Variants in LHFPL3 observed in about 807,000 individuals in gnomAD.
LHFPL3 encodes the protein LHFPL tetraspan subfamily member 3 protein.
A neutral mutation model predicts 19.3 loss-of-function variants in LHFPL3; 5 were observed. The ratio of observed to expected loss-of-function variants is 0.26; its 90% CI spans 0.14 to 0.54. LHFPL3 has a LOEUF of 0.54. Among genes scored for constraint, LHFPL3 ranks in the 20% least tolerant of loss-of-function variants. The pLI, the probability that LHFPL3 is intolerant of heterozygous loss-of-function variation, is 0.94. For missense variants in LHFPL3, 249 were observed against 307.4 expected, an observed-to-expected ratio of 0.81 and a Z score of 1.42; for synonymous variants, 133 against 126.2, an observed-to-expected ratio of 1.05 and a Z score of -0.36.
intron 2 of LHFPL3, among the ~76,000 whole-genome samples, chr7:104,829,745 G>A (rs1790910924): frequency 6.6e-6 from 1 of 151,958 alleles, no homozygotes; most frequent in African/African-American, 2.4e-5. Flanking sequence ...GGACATTTGG[G>A]TTGGTTCCAA....
chr7:104,778,242 C>A (rs1794663075), intron 2 of LHFPL3, among the ~76,000 whole-genome samples: 1 of 152,178 alleles, frequency 6.6e-6, no homozygotes, highest in Admixed American at 6.5e-5. Flanking sequence ...TGGTCCCTAA[C>A]CTCCTTGAGT....
rs577703887 is a variant in LHFPL3, at chr7:104,782,801, G to A, written c.682+45890G>A. Among the ~76,000 whole-genome samples, 430 of 152,224 alleles carry A rather than the reference G, an allele frequency of 2.8e-3. 4 individuals are homozygous for A. The highest frequency in any genetic ancestry group is 9.5e-3 in the African/African-American group (394 of 41,536). On this transcript the variant is annotated intron_variant, in intron 2 of 2. Coordinates refer to ENST00000424859, the MANE Select transcript of LHFPL3 (RefSeq NM_199000.3). ...ACCTCTCACCACATCTTTCTTATAC[G>A]CTACACTCTACAATATTGATGTCCA... is the stretch of plus-strand genomic sequence containing the variant.
intron 1 of LHFPL3, among the ~76,000 whole-genome samples, chr7:104,563,330 C>T (rs1277706046): frequency 2.3e-4 from 35 of 151,046 alleles, no homozygotes; most frequent in South Asian, 1.0e-3. Flanking sequence ...TAGCAATCAG[C>T]GAGACTCCGT....
At chr7:104,435,901 C>T (rs1792094601) in intron 1 of LHFPL3, among the ~76,000 whole-genome samples, 1 of 151,970 alleles carries the variant, frequency 6.6e-6, no homozygotes, top group Non-Finnish European at 1.5e-5. Context: ...AGGCCATTTT[C>T]AGGATTCTAG....
At chr7:104,794,615 G>T (rs968361002) in intron 2 of LHFPL3, among the ~76,000 whole-genome samples, 2 of 152,164 alleles carry the variant, frequency 1.3e-5, no homozygotes, top group African/African-American at 2.4e-5. Context: ...GGAAATTATG[G>T]TTCCATTAAA....
chr7:104,443,538 A>G (rs1259917854), intron 1 of LHFPL3, among the ~76,000 whole-genome samples: 1 of 152,246 alleles, frequency 6.6e-6, no homozygotes, highest in African/African-American at 2.4e-5. Context: ...CATGCCAACC[A>G]GGAGAATAGT....
intron 2 of LHFPL3, among the ~76,000 whole-genome samples, chr7:104,756,402 T>C (rs536172762): frequency 6.6e-6 from 1 of 152,316 alleles, no homozygotes; most frequent in African/African-American, 2.4e-5. Context: ...ATATCCAGTC[T>C]CTTTTTAGAC....
chr7:104,363,058 G>A (rs1042294555), intron 1 of LHFPL3, among the ~76,000 whole-genome samples: 2 of 152,250 alleles, frequency 1.3e-5, no homozygotes, highest in African/African-American at 4.8e-5. Flanking sequence ...CTCCTGAGCT[G>A]TAATTTGTAA....
chr7:104,467,678 C>T (rs556748026), intron 1 of LHFPL3, among the ~76,000 whole-genome samples: 3 of 152,272 alleles, frequency 2.0e-5, no homozygotes, highest in African/African-American at 7.2e-5. Context: ...TTAATTTCTC[C>T]TCATCCAATG....
At chr7:104,334,422 C>T (rs1283975393) in intron 1 of LHFPL3, among the ~76,000 whole-genome samples, 2 of 152,176 alleles carry the variant, frequency 1.3e-5, no homozygotes, top group Admixed American at 6.5e-5. Context: ...TGGCGTACAC[C>T]TGTAATCCCA....
In LHFPL3 at chr7:104,328,955, A is replaced by G. The variant is rs768551631; in HGVS notation, c.176A>G (p.Tyr59Cys). 4 of 1,614,100 alleles carry G rather than the reference A, an allele frequency of 2.5e-6. No homozygotes were observed. The highest frequency in any genetic ancestry group is 3.4e-6 in the Non-Finnish European group (4 of 1,180,000). Residue 59 changes from tyrosine (Y) to cysteine (C), a missense_variant, in exon 1 of 3, where the codon TAC (tyrosine) becomes TGC (cysteine). Physicochemically the swap from Tyr to Cys is radical, Grantham distance 194. Transcript: ENST00000424859. This position sits in a 1 kb window ranked among gnomAD's most constrained non-coding sequence, Gnocchi z 4.6. ...IVNVVCFIQPYWIGDGVDTPQ... is the reference protein window; with the variant it reads ...IVNVVCFIQPCWIGDGVDTPQ... ...AACGTGGTGTGCTTCATCCAGCCCT[A>G]CTGGATAGGCGACGGCGTGGACACC...
rs76242846 is a variant in LHFPL3, at chr7:104,705,705, T to C, written c.446-30970T>C. Among the ~76,000 whole-genome samples, 701 of 152,246 alleles carry C rather than the reference T, an allele frequency of 4.6e-3. 33 individuals carry two copies. The East Asian group carries it at 0.1, about 22-fold the overall frequency. On this transcript the variant is annotated intron_variant, in intron 1 of 2. Coordinates refer to ENST00000424859, the MANE Select transcript of LHFPL3 (RefSeq NM_199000.3). ...CAGGCCATGAGGTTGAGCATGAAAA[T>C]TTCTGCTTGTGTCAACTGATAAGGA...
intron 2 of LHFPL3, among the ~76,000 whole-genome samples, chr7:104,761,467 A>C (rs907996650): frequency 6.6e-6 from 1 of 152,152 alleles, no homozygotes; most frequent in Non-Finnish European, 1.5e-5. Flanking sequence ...TAAGTCACCA[A>C]AAATACCTGC....
intron 1 of LHFPL3, among the ~76,000 whole-genome samples, chr7:104,620,976 A>G (rs776717303): frequency 3.5e-4 from 54 of 152,148 alleles, no homozygotes; most frequent in Non-Finnish European, 6.3e-4. Context: ...TACCCTCTCT[A>G]GGAAAATCAC....
chr7:104,459,676 C>T (rs1792619841), intron 1 of LHFPL3, among the ~76,000 whole-genome samples: 1 of 152,200 alleles, frequency 6.6e-6, no homozygotes, highest in South Asian at 2.1e-4. Context: ...TCGTAACAGG[C>T]ACTGGAGAGG....
At chr7:104,563,928 C>G (rs927990987) in intron 1 of LHFPL3, among the ~76,000 whole-genome samples, 2 of 152,128 alleles carry the variant, frequency 1.3e-5, no homozygotes, top group Non-Finnish European at 2.9e-5. Flanking sequence ...TAATATTAAG[C>G]AAATGGAGTT....
chr7:104,623,112 T>G lies in LHFPL3; in HGVS notation c.446-113563T>G, dbSNP rs144880868. Reference sequence around the variant, plus strand: ...TGCCTATTCAAGTCATTTGCCTATTTTTAAATTGTGTTATTTGATTTTTAT... The same window carrying G: ...TGCCTATTCAAGTCATTTGCCTATTGTTAAATTGTGTTATTTGATTTTTAT... On this transcript the variant is annotated intron_variant, in intron 1 of 2. Coordinates refer to ENST00000424859, the MANE Select transcript of LHFPL3 (RefSeq NM_199000.3). 455 of 210,956 alleles carry G rather than the reference T, an allele frequency of 2.2e-3. 1 individual carries two copies. Among genetic ancestry groups the G allele is most frequent in the African/African-American group, 0.01 (438 of 43,086 alleles). The allele number at this position is 210,956 out of a possible 1,614,324, so 13.1% of individuals were successfully genotyped here.
chr7:104,644,339 A>G (rs976194698), intron 1 of LHFPL3, among the ~76,000 whole-genome samples: 10 of 152,208 alleles, frequency 6.6e-5, no homozygotes, highest in African/African-American at 2.4e-4. Context: ...TTGCCTGCCA[A>G]TGCTGTGAGA....
At chr7:104,531,017 A>G (rs1259444873) in intron 1 of LHFPL3, among the ~76,000 whole-genome samples, 1 of 152,202 alleles carries the variant, frequency 6.6e-6, no homozygotes, top group Non-Finnish European at 1.5e-5. Context: ...GCCTGTATTT[A>G]AAAAATAAAT....
Sources: gnomAD v4.1 joint callset for allele counts (sites outside exome capture counted in the v4.1 genomes callset) on GRCh38, gnomAD v4.1.1 for gene constraint, Gnocchi (gnomAD v3.1) non-coding constraint, MANE v1.5 for transcripts, NCBI Gene and HGNC (gene_info 2026-07-23, HGNC 2026-07-21) for gene names.